LCLAT1: variants seen among roughly 807,000 people sequenced by gnomAD.
The protein encoded by LCLAT1 is lysocardiolipin acyltransferase 1, also known as 1-AGP acyltransferase 8.
Under a neutral mutation model 30.7 loss-of-function variants are expected in LCLAT1, and 11 were observed. That is an observed-to-expected ratio of 0.36 (90% CI 0.23 to 0.59). The LOEUF is 0.59. LCLAT1 is among the 20% of genes least tolerant of loss of function. The pLI is 0.77. For missense variants in LCLAT1, 402 were observed against 458.6 expected, an observed-to-expected ratio of 0.88 and a Z score of 1.13; for synonymous variants, 155 against 151.3, an observed-to-expected ratio of 1.02 and a Z score of -0.18.
At chr2:30,552,502 A>G (rs968996952) in intron 3 of LCLAT1, 1 of 447,718 alleles carries the variant, frequency 2.2e-6, no homozygotes, top group East Asian at 7.0e-5. Context: ...GCACAGTCAC[A>G]TTTGAAACCT....
At chr2:30,624,152 T>G (rs535082823) in intron 5 of LCLAT1, among the ~76,000 whole-genome samples, 137 of 152,100 alleles carry the variant, frequency 9.0e-4, no homozygotes, top group African/African-American at 3.2e-3. Context: ...TACACCGAAA[T>G]AGAACCTCCT....
At position 30,494,936 on chromosome 2, in the gene LCLAT1, C is replaced by T. The variant is rs148758857; in HGVS notation, c.-4-30651C>T. 4.2e-3 allele frequency among the ~76,000 whole-genome samples: 631 copies of T among 149,358 alleles called. 5 individuals carry two copies. Among genetic ancestry groups the T allele is most frequent in the Middle Eastern group, 0.01 (3 of 288 alleles). On this transcript the variant is annotated intron_variant, in intron 1 of 5. Transcript: ENST00000379509. ...ATTCCAGGTTCGTTTCACGATATAACCATTTCATGAAGTGTGATTTTTTTT... is the reference window on the plus strand; with the variant it reads ...ATTCCAGGTTCGTTTCACGATATAATCATTTCATGAAGTGTGATTTTTTTT...
intron 3 of LCLAT1, among the ~76,000 whole-genome samples, chr2:30,546,594 GTAAA>G: frequency 6.6e-6 from 1 of 152,238 alleles, no homozygotes; most frequent in African/African-American, 2.4e-5. Context: ...ATAAATTTGT[GTAAA>G]TAAATGTGCC....
chr2:30,555,839 CTTT>C (rs67813132), intron 3 of LCLAT1, among the ~76,000 whole-genome samples: 24 of 127,102 alleles, frequency 1.9e-4, no homozygotes, highest in Non-Finnish European at 2.5e-4. Flanking sequence ...TTTTCTTTTT[CTTT>C]TTTTTTTTTT....
In LCLAT1 at chr2:30,603,731, G is replaced by A. The variant is rs929569617; in HGVS notation, c.628+35555G>A. ...GAAGGAGGATCCAAGGATGACAGCT[G>A]TGCAACATGCATGTAAGATTATAGT... is the stretch of plus-strand genomic sequence containing the variant. On this transcript the variant is annotated intron_variant, in intron 5 of 5. Coordinates refer to ENST00000379509, the MANE Select transcript of LCLAT1 (RefSeq NM_001002257.3). Among the ~76,000 whole-genome samples, 4 of 152,108 alleles carry A rather than the reference G, an allele frequency of 2.6e-5. No individual in the cohort carries two copies. In the East Asian group the frequency reaches 5.8e-4, roughly 22 times the overall value.
chr2:30,628,785 G>A (rs1668633362), intron 5 of LCLAT1, among the ~76,000 whole-genome samples: 2 of 152,032 alleles, frequency 1.3e-5, no homozygotes, highest in South Asian at 4.2e-4. Flanking sequence ...GGATTATAAG[G>A]CTAAAAGAAA....
rs188974180 is a variant in LCLAT1 at position 30,580,546 on chromosome 2, T to A, written c.628+12370T>A. On this transcript the variant is annotated intron_variant, in intron 5 of 5. Transcript: ENST00000379509. ...TAGTTTAGATGACTGCTACAGGGAGTTTCCTGATGAAGCGGAGAGGGCTGG... is the reference window on the plus strand; with the variant it reads ...TAGTTTAGATGACTGCTACAGGGAGATTCCTGATGAAGCGGAGAGGGCTGG... 8.2e-3 allele frequency among the ~76,000 whole-genome samples: 1,246 copies of A among 152,064 alleles called. 22 individuals carry two copies. The highest frequency in any genetic ancestry group is 8.1e-3 in the Non-Finnish European group (550 of 67,970).
At chr2:30,529,722 C>T (rs940558519) in intron 2 of LCLAT1, among the ~76,000 whole-genome samples, 3 of 152,184 alleles carry the variant, frequency 2.0e-5, no homozygotes, top group African/African-American at 4.8e-5. Flanking sequence ...TAGCACAAAA[C>T]AGGTGTTGAA....
intron 1 of LCLAT1, among the ~76,000 whole-genome samples, chr2:30,465,167 A>G (rs923751431): frequency 1.3e-5 from 2 of 152,206 alleles, no homozygotes; most frequent in African/African-American, 4.8e-5. Flanking sequence ...TAGGGCACTT[A>G]TCCTGGATTA....
chr2:30,562,313 CA>C, intron 4 of LCLAT1, 21 bp downstream of exon 4: 1 of 1,565,604 alleles, frequency 6.4e-7, no homozygotes, highest in East Asian at 2.3e-5. Context: ...CTGGGTTTGG[CA>C]AAGTTAGAAA....
At chr2:30,553,970 G>A (rs955496950) in intron 3 of LCLAT1, among the ~76,000 whole-genome samples, 5 of 152,134 alleles carry the variant, frequency 3.3e-5, no homozygotes, top group African/African-American at 1.2e-4. Context: ...TTTAAACATG[G>A]ATACAATTTG....
At chr2:30,455,824 C>T (rs1681804980) in intron 1 of LCLAT1, among the ~76,000 whole-genome samples, 3 of 146,248 alleles carry the variant, frequency 2.1e-5, no homozygotes, top group Non-Finnish European at 3.0e-5. Context: ...GCAGGAGGAT[C>T]ACTTGAGCCT....
Position 30,553,949 on chromosome 2 carries a change from C to T in LCLAT1, c.365-8197C>T, listed in dbSNP as rs560720712. ...TGAGGATCTTAACATTAAGAAAAAT[C>T]TGAGTAACACTTTAAACATGGATAC... On this transcript the variant is annotated intron_variant, in intron 3 of 5. Coordinates refer to ENST00000379509, the MANE Select transcript of LCLAT1 (RefSeq NM_001002257.3). Among the ~76,000 whole-genome samples, 5 of 152,154 alleles carry T rather than the reference C, an allele frequency of 3.3e-5. No individual in the cohort carries two copies. In the South Asian group the frequency reaches 1.0e-3, roughly 32 times the overall value.
rs575244540 is a variant in LCLAT1 at position 30,561,588 on chromosome 2, C to T, written c.365-558C>T. The stretch of plus-strand genomic sequence containing the variant: ...AAAAGGAATGTAGTCATAGTGTACA[C>T]TCTGATTAATGTGTTTAGTACCATT... On this transcript the variant is annotated intron_variant, in intron 3 of 5. Coordinates refer to ENST00000379509, the MANE Select transcript of LCLAT1 (RefSeq NM_001002257.3). 2.0e-5 allele frequency among the ~76,000 whole-genome samples: 3 copies of T among 152,310 alleles called. No individual in the cohort carries two copies. The East Asian group carries it at 5.8e-4, about 29-fold the overall frequency.
At chr2:30,527,288 A>G (rs970312074) in intron 2 of LCLAT1, among the ~76,000 whole-genome samples, 2 of 152,202 alleles carry the variant, frequency 1.3e-5, no homozygotes, top group Non-Finnish European at 2.9e-5. Flanking sequence ...GATCTTTGAG[A>G]TCTATTCTGG....
chr2:30,531,202 T>G (rs1196776592), intron 2 of LCLAT1, among the ~76,000 whole-genome samples: 1 of 151,922 alleles, frequency 6.6e-6, no homozygotes, highest in Non-Finnish European at 1.5e-5. Context: ...GAGGCAGAGG[T>G]TGCAGTGAGC....
Position 30,643,666 on chromosome 2 carries a change from GC to G in LCLAT1, c.*3051del, listed in dbSNP as rs1558579396. 6.6e-6 allele frequency: 1 copy of G among 152,550 alleles called. No individual in the cohort carries two copies. Among genetic ancestry groups the G allele is most frequent in the African/African-American group, 2.4e-5 (1 of 41,394 alleles). The allele number at this position is 152,550 out of a possible 1,614,324, so 9.4% of individuals were successfully genotyped here. A position where few individuals can be genotyped will look rare whatever the true frequency, so the allele number is the denominator to read the frequency against. ...TTCAAACTCTAGCCCTGACTATGATGCCCCTGTGTGCATTTACAATAAAGAC... is the reference window on the plus strand; with the variant it reads ...TTCAAACTCTAGCCCTGACTATGATGCCCTGTGTGCATTTACAATAAAGAC... On this transcript the variant is annotated 3_prime_UTR_variant, in exon 6 of 6. Transcript: ENST00000379509.
intron 3 of LCLAT1, chr2:30,552,629 G>T: frequency 2.6e-6 from 1 of 384,970 alleles, no homozygotes; most frequent in Non-Finnish European, 5.4e-6. Flanking sequence ...GGGATGTGGA[G>T]AGCATTACCC....
At chr2:30,587,976 G>A (rs890291483) in intron 5 of LCLAT1, among the ~76,000 whole-genome samples, 7 of 152,188 alleles carry the variant, frequency 4.6e-5, no homozygotes, top group African/African-American at 1.7e-4. Context: ...GCCTTCTTCA[G>A]CCTAGCTGCC....
Sources: gnomAD v4.1 joint callset for allele counts (sites outside exome capture counted in the v4.1 genomes callset) on GRCh38, gnomAD v4.1.1 for gene constraint, MANE v1.5 for transcripts, NCBI Gene and HGNC (gene_info 2026-07-23, HGNC 2026-07-21) for gene names.